The following THSD7A variants were observed in gnomAD, a reference collection of about 807,000 sequenced individuals.
The protein encoded by THSD7A is thrombospondin type 1 domain containing 7A.
THSD7A carries 96 observed loss-of-function variants against 231.3 expected under a neutral mutation model. That is an observed-to-expected ratio of 0.41 (90% CI 0.35 to 0.49). THSD7A has a LOEUF of 0.49. Among genes scored for constraint, THSD7A ranks in the 20% least tolerant of loss-of-function variants. The pLI is 0.05. For missense variants in THSD7A, 2,290 were observed against 2,070.2 expected, an observed-to-expected ratio of 1.11 and a Z score of -2.06; for synonymous variants, 940 against 743.3, an observed-to-expected ratio of 1.26 and a Z score of -4.30.
chr7:11,462,991 G>T (rs1489095552), intron 9 of THSD7A, among the ~76,000 whole-genome samples: 1 of 151,952 alleles, frequency 6.6e-6, no homozygotes, highest in Non-Finnish European at 1.5e-5. Flanking sequence ...ATAGCTGCAT[G>T]GCACAGGGTT....
chr7:11,473,379 C>A (rs1310841077), intron 8 of THSD7A, among the ~76,000 whole-genome samples: 1 of 152,052 alleles, frequency 6.6e-6, no homozygotes, highest in Non-Finnish European at 1.5e-5. Flanking sequence ...TTTCAACAGA[C>A]TGCAAAAACT....
intron 1 of THSD7A, among the ~76,000 whole-genome samples, chr7:11,751,719 G>C: frequency 6.6e-6 from 1 of 151,804 alleles, no homozygotes; most frequent in East Asian, 1.9e-4. Context: ...TAGACTTTAC[G>C]GTACACTGGA....
chr7:11,511,686 G>C (rs1327773523), intron 6 of THSD7A, among the ~76,000 whole-genome samples: 5 of 152,126 alleles, frequency 3.3e-5, no homozygotes. Flanking sequence ...AATGGGGAAA[G>C]GATTCCCTAT....
chr7:11,379,559 A>G, intron 25 of THSD7A, 71 bp downstream of exon 25: 18 of 1,359,148 alleles, frequency 1.3e-5, no homozygotes, highest in Non-Finnish European at 1.8e-5. Context: ...GGAGGAAGAT[A>G]AACTGCATAA....
Position 11,821,326 on chromosome 7 carries a change from T to C in THSD7A, c.190+10431A>G, listed in dbSNP as rs1784866782. The stretch of plus-strand genomic sequence containing the variant: ...GAAACCAACAGTTTTGTTCTTAATT[T>C]CATTTCATTTGGAGCTAAGAGGACT... On this transcript the variant is annotated intron_variant, in intron 1 of 27. Coordinates refer to ENST00000423059, the MANE Select transcript of THSD7A (RefSeq NM_015204.3). 6.6e-6 allele frequency: 5 copies of C among 759,344 alleles called. No individual in the cohort carries two copies. In the East Asian group the frequency reaches 1.3e-4, roughly 20 times the overall value. The allele number at this position is 759,344 out of a possible 1,614,324, so 47.0% of individuals were successfully genotyped here. A position where few individuals can be genotyped will look rare whatever the true frequency, so the allele number is the denominator to read the frequency against.
At chr7:11,711,256 T>A (rs1780952807) in intron 1 of THSD7A, among the ~76,000 whole-genome samples, 1 of 150,890 alleles carries the variant, frequency 6.6e-6, no homozygotes, top group African/African-American at 2.4e-5. Flanking sequence ...TTATTATATA[T>A]TCCATGTGCT....
intron 4 of THSD7A, among the ~76,000 whole-genome samples, chr7:11,548,003 C>A (rs911685614): frequency 2.0e-5 from 3 of 151,974 alleles, no homozygotes; most frequent in African/African-American, 7.2e-5. Flanking sequence ...CAAGAAATAA[C>A]CAAAAACAAA....
chr7:11,746,907 T>G (rs1357422541), intron 1 of THSD7A, among the ~76,000 whole-genome samples: 1 of 151,804 alleles, frequency 6.6e-6, no homozygotes, highest in Non-Finnish European at 1.5e-5. Flanking sequence ...TCTCATTTTT[T>G]GAAAGATAAT....
At chr7:11,621,756 G>T (rs1262793343) in intron 2 of THSD7A, among the ~76,000 whole-genome samples, 1 of 151,970 alleles carries the variant, frequency 6.6e-6, no homozygotes, top group Non-Finnish European at 1.5e-5. Context: ...ATAAAATTCT[G>T]CATTCATAAA....
chr7:11,662,281 G>A (rs1035291735), intron 1 of THSD7A, among the ~76,000 whole-genome samples: 7 of 151,108 alleles, frequency 4.6e-5, no homozygotes, highest in African/African-American at 1.7e-4. Context: ...TAAGAAAAAA[G>A]CATTAAAGAC....
chr7:11,757,261 T>C (rs1782714778), intron 1 of THSD7A, among the ~76,000 whole-genome samples: 1 of 152,058 alleles, frequency 6.6e-6, no homozygotes, highest in Admixed American at 6.6e-5. Context: ...CAGATCTATT[T>C]TCATGTTTAA....
At chr7:11,716,476 A>G (rs994298478) in intron 1 of THSD7A, among the ~76,000 whole-genome samples, 1 of 151,630 alleles carries the variant, frequency 6.6e-6, no homozygotes, top group African/African-American at 2.4e-5. Context: ...CATTCCTTTA[A>G]GCCACAGATT....
At position 11,653,139 on chromosome 7, in the gene THSD7A, T is replaced by C. The variant is rs1782571401; in HGVS notation, c.191-16178A>G. ...TTTCAACAACCCTGCCATACAGGTT[T>C]TAACTACCATTATTTCAATAGTTAT... On this transcript the variant is annotated intron_variant, in intron 1 of 27. Coordinates refer to ENST00000423059, the MANE Select transcript of THSD7A (RefSeq NM_015204.3). Among the ~76,000 whole-genome samples the C allele has an allele frequency of 5.3e-5, 8 of 152,006 alleles. No individual in the cohort carries two copies. In the South Asian group the frequency reaches 1.7e-3, roughly 31 times the overall value.
chr7:11,689,172 T>G (rs1780155857), intron 1 of THSD7A, among the ~76,000 whole-genome samples: 2 of 151,848 alleles, frequency 1.3e-5, no homozygotes, highest in African/African-American at 4.8e-5. Context: ...AGCCACGGAA[T>G]TCTTTATTTG....
In THSD7A at chr7:11,444,714, A is replaced by G. The variant is rs980605958; in HGVS notation, c.3064+1347T>C. ...GTGTATACCTATGTTGCAAACCTGC[A>G]CTTTCTGTACATGTATCCCAGAACT... On this transcript the variant is annotated intron_variant, in intron 13 of 27. Coordinates refer to ENST00000423059, the MANE Select transcript of THSD7A (RefSeq NM_015204.3). The surrounding 1 kb of genome is among the most constrained non-coding windows in gnomAD (Gnocchi z 4.2). Among the ~76,000 whole-genome samples, 1 of 151,544 alleles carries G rather than the reference A, an allele frequency of 6.6e-6. No homozygotes were observed. The highest frequency in any genetic ancestry group is 1.5e-5 in the Non-Finnish European group (1 of 67,914).
At chr7:11,757,977 GC>G (rs1782738090) in intron 1 of THSD7A, among the ~76,000 whole-genome samples, 1 of 146,098 alleles carries the variant, frequency 6.8e-6, no homozygotes, top group African/African-American at 2.5e-5. Context: ...CTGTTTTTGA[GC>G]ACTGTGCTAA....
At chr7:11,682,545 T>A (rs1783908664) in intron 1 of THSD7A, among the ~76,000 whole-genome samples, 1 of 152,218 alleles carries the variant, frequency 6.6e-6, no homozygotes, top group Non-Finnish European at 1.5e-5. Flanking sequence ...TACATAATGA[T>A]AAAAGGATTT....
At chr7:11,568,641 A>C (rs1342330096) in intron 4 of THSD7A, among the ~76,000 whole-genome samples, 2 of 145,676 alleles carry the variant, frequency 1.4e-5, no homozygotes, top group African/African-American at 5.0e-5. Flanking sequence ...AAAAAAAAAA[A>C]AAAAAAAAAA....
rs1434133467 is a variant in THSD7A, at chr7:11,630,302, A to G, written c.1022+5828T>C. On this transcript the variant is annotated intron_variant, in intron 2 of 27. Transcript: ENST00000423059. ...ATTTGAAGATGAGAGGGGATGCCAG[A>G]AAGTCTGGGCCTGGAAAACAAAAAT... 2.0e-5 allele frequency among the ~76,000 whole-genome samples: 3 copies of G among 151,848 alleles called. No individual in the cohort carries two copies. In the South Asian group the frequency reaches 6.2e-4, roughly 31 times the overall value.
Sources: allele counts gnomAD v4.1 joint callset (sites outside exome capture counted in the v4.1 genomes callset), GRCh38; gene constraint gnomAD v4.1.1; non-coding constraint Gnocchi (gnomAD v3.1); transcripts MANE v1.5; gene names NCBI Gene and HGNC (gene_info 2026-07-23, HGNC 2026-07-21).